The following ADGRL4 variants were observed in gnomAD, a reference collection of about 807,000 sequenced individuals.
The protein encoded by ADGRL4 is EGF, latrophilin and seven transmembrane domain containing 1.
Under a neutral mutation model 74.8 loss-of-function variants are expected in ADGRL4, and 90 were observed. The observed-to-expected ratio is 1.20, with a 90% CI of 1.02 to 1.43. ADGRL4 has a LOEUF of 1.43. Ranked by LOEUF, ADGRL4 falls within the 40% of genes most tolerant of loss-of-function variation. ADGRL4 has a pLI of 0.00. For missense variants in ADGRL4, 881 were observed against 814.3 expected, an observed-to-expected ratio of 1.08 and a Z score of -1.00; for synonymous variants, 311 against 279.2, an observed-to-expected ratio of 1.11 and a Z score of -1.14.
intron 2 of ADGRL4, among the ~76,000 whole-genome samples, chr1:78,983,055 T>C (rs1446299262): frequency 6.6e-6 from 1 of 151,770 alleles, no homozygotes; most frequent in Non-Finnish European, 1.5e-5. Context: ...CCTATGATCA[T>C]AGAAACTCCA....
At chr1:78,967,769 A>T (rs1650085383) in intron 2 of ADGRL4, among the ~76,000 whole-genome samples, 1 of 152,202 alleles carries the variant, frequency 6.6e-6, no homozygotes, top group African/African-American at 2.4e-5. Context: ...TCTTTGGCAA[A>T]ATTTGTAAAA....
At position 78,936,390 on chromosome 1, in the gene ADGRL4, T is replaced by A. The variant is rs1649354342; in HGVS notation, c.782A>T (p.Asp261Val). 1 of 1,568,490 alleles carries A rather than the reference T, an allele frequency of 6.4e-7. No homozygotes were observed. The highest frequency in any genetic ancestry group is 8.6e-7 in the Non-Finnish European group (1 of 1,165,210). ...TDIALKVFFF[D>V]SYNMKHIHPH... ...ATGAATATGTTTCATGTTATATGAA[T>A]CAAAAAAGAAAACTTTGAGAGCTGA... is the stretch of plus-strand genomic sequence containing the variant. Residue 261 changes from aspartate to valine, a missense_variant, in exon 7 of 15, where the codon GAT becomes GTT. By Grantham distance (152) the Asp-to-Val change is radical. Coordinates refer to ENST00000370742, the MANE Select transcript of ADGRL4 (RefSeq NM_022159.4).
intron 12 of ADGRL4, among the ~76,000 whole-genome samples, chr1:78,907,034 C>T (rs1404962297): frequency 6.6e-5 from 10 of 152,006 alleles, no homozygotes. Flanking sequence ...ATGGAAAGAA[C>T]CCATTGTTTG....
chr1:79,004,637 T>G (rs1413661011), intron 2 of ADGRL4, among the ~76,000 whole-genome samples: 1 of 152,158 alleles, frequency 6.6e-6, no homozygotes, highest in Non-Finnish European at 1.5e-5. Flanking sequence ...TAATATCATC[T>G]CCAAATATAG....
rs879803526 is a variant in ADGRL4, at chr1:78,973,886, C to G, written c.173-27460G>C. 3.9e-5 allele frequency among the ~76,000 whole-genome samples: 6 copies of G among 152,102 alleles called. No individual in the cohort carries two copies. The East Asian group carries it at 7.7e-4, about 20-fold the overall frequency. On this transcript the variant is annotated intron_variant, in intron 2 of 14. Transcript: ENST00000370742. ...ATATTTTACTGTTCTAATAAATAAA[C>G]TAAGGCTAGAACAACTGACTAAATC...
intron 3 of ADGRL4, among the ~76,000 whole-genome samples, chr1:78,944,431 G>A (rs781078317): frequency 2.0e-5 from 3 of 152,172 alleles, no homozygotes; most frequent in Non-Finnish European, 4.4e-5. Context: ...AGAACAAACA[G>A]TGAAGTACTG....
chr1:79,000,553 A>G (rs1650819926), intron 2 of ADGRL4, among the ~76,000 whole-genome samples: 1 of 152,166 alleles, frequency 6.6e-6, no homozygotes, highest in South Asian at 2.1e-4. Flanking sequence ...CTCTTTCTAT[A>G]TACTGATGGA....
At chr1:78,999,959 CA>C (rs1281078853) in intron 2 of ADGRL4, among the ~76,000 whole-genome samples, 1 of 120,474 alleles carries the variant, frequency 8.3e-6, no homozygotes, top group Non-Finnish European at 1.8e-5. Context: ...ACCCAGAAGG[CA>C]TTTTTTTGTG....
At chr1:78,923,879 A>G (rs1649052639) in intron 8 of ADGRL4, among the ~76,000 whole-genome samples, 1 of 151,940 alleles carries the variant, frequency 6.6e-6, no homozygotes, top group African/African-American at 2.4e-5. Flanking sequence ...ACAGAAAAAG[A>G]GAGCAGAGAT....
In ADGRL4 at chr1:78,891,002, T is replaced by G; in HGVS notation, c.*152A>C. ...CATAATTTTACCTTATTATCTACAG[T>G]TCCTATAGCATAAACAGAAAAACTG... is the stretch of plus-strand genomic sequence containing the variant. On this transcript the variant is annotated 3_prime_UTR_variant, in exon 15 of 15. Coordinates refer to ENST00000370742, the MANE Select transcript of ADGRL4 (RefSeq NM_022159.4). The G allele has an allele frequency of 1.3e-6, 1 of 751,120 alleles. No individual in the cohort carries two copies. The highest frequency in any genetic ancestry group is 1.6e-5 in the South Asian group (1 of 62,980). The allele number at this position is 751,120 out of a possible 1,614,324, so 46.5% of individuals were successfully genotyped here. A position where few individuals can be genotyped will look rare whatever the true frequency, so the allele number is the denominator to read the frequency against.
intron 7 of ADGRL4, among the ~76,000 whole-genome samples, chr1:78,933,665 G>C (rs938008563): frequency 2.6e-5 from 4 of 151,386 alleles, no homozygotes; most frequent in Non-Finnish European, 5.9e-5. Context: ...TGACATGTTT[G>C]TTTATTTAGA....
At chr1:78,922,266 G>T (rs576525890) in intron 8 of ADGRL4, among the ~76,000 whole-genome samples, 3 of 152,102 alleles carry the variant, frequency 2.0e-5, no homozygotes, top group East Asian at 1.9e-4. Context: ...ACGTCTCCTA[G>T]ATTATGTCTA....
At chr1:78,912,154 GGC>G (rs1349769082) in intron 12 of ADGRL4, among the ~76,000 whole-genome samples, 1 of 151,754 alleles carries the variant, frequency 6.6e-6, no homozygotes, top group African/African-American at 2.4e-5. Context: ...GCAACACAGT[GGC>G]ACTGATTATT....
At chr1:78,945,056 T>C (rs1329424325) in intron 3 of ADGRL4, among the ~76,000 whole-genome samples, 1 of 151,336 alleles carries the variant, frequency 6.6e-6, no homozygotes, top group Non-Finnish European at 1.5e-5. Context: ...TCCCAGCTAC[T>C]CGGTAGGCTG....
At chr1:78,918,489 C>T (rs528478740) in intron 10 of ADGRL4, among the ~76,000 whole-genome samples, 31 of 151,808 alleles carry the variant, frequency 2.0e-4, no homozygotes, top group East Asian at 7.8e-4. Flanking sequence ...AAATAAATAT[C>T]TTAGATGACA....
chr1:78,920,188 T>C lies in ADGRL4; in HGVS notation c.1456A>G (p.Asn486Asp). The C allele has an allele frequency of 6.2e-7, 1 of 1,609,354 alleles. No homozygotes were observed. The highest frequency in any genetic ancestry group is 2.2e-5 in the East Asian group (1 of 44,632). Residue 486 changes from asparagine (N) to aspartate (D), a missense_variant, in exon 10 of 15, where the codon AAT becomes GAT. Physicochemically the swap from Asn to Asp is conservative, Grantham distance 23 (BLOSUM62 1). Transcript: ENST00000370742. ...VFLVGINTNTNKLFCSIIAGL... is the reference protein window; with the variant it reads ...VFLVGINTNTDKLFCSIIAGL... Reference sequence around the variant, plus strand: ...AGATTAGGATGCCTACATACCTTATTAGTATTTGTATTGATCCCAACAAGA... The same window carrying C: ...AGATTAGGATGCCTACATACCTTATCAGTATTTGTATTGATCCCAACAAGA...
At chr1:78,982,359 G>C (rs532995383) in intron 2 of ADGRL4, among the ~76,000 whole-genome samples, 2 of 151,972 alleles carry the variant, frequency 1.3e-5, no homozygotes, top group Non-Finnish European at 2.9e-5. Context: ...GATCAAGTGA[G>C]ATGTTTTTTA....
At position 78,891,074 on chromosome 1, in the gene ADGRL4, G is replaced by T; in HGVS notation, c.*80C>A. On this transcript the variant is annotated 3_prime_UTR_variant, in exon 15 of 15. Coordinates refer to ENST00000370742, the MANE Select transcript of ADGRL4 (RefSeq NM_022159.4). ...GTAGTTAATAATTGGATAATTTGAT[G>T]AGTCATTTTTATACATTGGTCATCC... The T allele has an allele frequency of 1.5e-6, 2 of 1,353,790 alleles. No individual in the cohort carries two copies. The highest frequency in any genetic ancestry group is 2.1e-6 in the Non-Finnish European group (2 of 945,562). The allele number at this position is 1,353,790 out of a possible 1,614,324, so 83.9% of individuals were successfully genotyped here. A position where few individuals can be genotyped will look rare whatever the true frequency, so the allele number is the denominator to read the frequency against.
intron 10 of ADGRL4, among the ~76,000 whole-genome samples, chr1:78,919,261 C>T (rs1373671785): frequency 6.6e-6 from 1 of 151,940 alleles, no homozygotes; most frequent in African/African-American, 2.4e-5. Context: ...TCTCCAATCT[C>T]CAACTGCAAG....
Sources: gnomAD v4.1 joint callset for allele counts (sites outside exome capture counted in the v4.1 genomes callset) on GRCh38, gnomAD v4.1.1 for gene constraint, MANE v1.5 for transcripts, NCBI Gene and HGNC (gene_info 2026-07-23, HGNC 2026-07-21) for gene names.